The following BANP variants were observed in gnomAD, a reference collection of about 807,000 sequenced individuals.
BANP encodes BTG3 associated nuclear protein, also known as protein BANP.
Under a neutral mutation model 68.1 loss-of-function variants are expected in BANP, and 11 were observed. The observed-to-expected ratio is 0.16, with a 90% CI of 0.10 to 0.27. The LOEUF (loss-of-function observed/expected upper bound fraction) is 0.27. Among genes scored for constraint, BANP ranks in the 10% least tolerant of loss-of-function variants. The pLI is 1.00. For missense variants in BANP, 504 were observed against 722.7 expected, an observed-to-expected ratio of 0.70 and a Z score of 3.47; for synonymous variants, 329 against 303.2, an observed-to-expected ratio of 1.09 and a Z score of -0.88.
chr16:87,967,064 G>A (rs2060150774), intron 1 of BANP, among the ~76,000 whole-genome samples: 1 of 152,192 alleles, frequency 6.6e-6, no homozygotes, highest in Non-Finnish European at 1.5e-5. Flanking sequence ...GGTTTCCCAG[G>A]GGGCTGCTGT....
chr16:88,060,364 G>A (rs1189161565), intron 11 of BANP, among the ~76,000 whole-genome samples: 1 of 152,198 alleles, frequency 6.6e-6, no homozygotes, highest in African/African-American at 2.4e-5. Flanking sequence ...GGAAAGGCTG[G>A]CCCACCCTCT....
At chr16:88,060,293 C>G (rs532705557) in intron 11 of BANP, among the ~76,000 whole-genome samples, 2 of 152,246 alleles carry the variant, frequency 1.3e-5, no homozygotes, top group African/African-American at 2.4e-5. Flanking sequence ...CTGGGTCTCC[C>G]CAGCCTGGCC....
chr16:88,015,249 TCCTCTGTC>T (rs999473108), intron 6 of BANP, among the ~76,000 whole-genome samples: 5 of 145,972 alleles, frequency 3.4e-5, no homozygotes, highest in South Asian at 2.2e-4. Flanking sequence ...TCAGCTCGTC[TCCTCTGTC>T]CCTCTGTCCA....
In BANP at chr16:88,036,038, C is replaced by T. The variant is rs1350753399; in HGVS notation, c.1272+644C>T. 4.6e-5 allele frequency among the ~76,000 whole-genome samples: 7 copies of T among 152,230 alleles called. No homozygotes were observed. Among genetic ancestry groups the T allele is most frequent in the Non-Finnish European group, 1.0e-4 (7 of 68,044 alleles). ...GAGTTCTTGGAAAGCCGAGGCCAGC[C>T]TGTTGCGATGCTCCATGTTTGCATG... On this transcript the variant is annotated intron_variant, in intron 10 of 13. Transcript: ENST00000682872. This position sits in a 1 kb window ranked among gnomAD's most constrained non-coding sequence, Gnocchi z 4.2.
At position 88,035,392 on chromosome 16, in the gene BANP, G is replaced by A. The variant is rs752412331; in HGVS notation, c.1270G>A (p.Glu424Lys). ...GCAAGTCCAGATCACGCAGGACAGC[G>A]AGGTGAGTCAGCTCTCGCTGCAGCA... ...GEQVQITQDSEGNLQIHHVGQ... is the reference protein window; with the variant it reads ...GEQVQITQDSKGNLQIHHVGQ... The change falls in exon 10 of 14, where the codon GAG (glutamate) becomes AAG (lysine). Residue 424 changes from glutamate to lysine, a missense_variant and splice_region_variant. By Grantham distance (56) the Glu-to-Lys change is moderately conservative (BLOSUM62 1). Transcript: ENST00000682872. The A allele has an allele frequency of 2.5e-6, 4 of 1,608,502 alleles. No individual in the cohort carries two copies. The highest frequency in any genetic ancestry group is 1.7e-5 in the Admixed American group (1 of 59,588).
At chr16:87,994,916 A>G (rs1052673689) in intron 4 of BANP, among the ~76,000 whole-genome samples, 1 of 152,200 alleles carries the variant, frequency 6.6e-6, no homozygotes, top group African/African-American at 2.4e-5. Context: ...TGTGATTAGC[A>G]TGGTGGGAGG....
intron 11 of BANP, among the ~76,000 whole-genome samples, chr16:88,041,208 T>C (rs1314174502): frequency 6.6e-6 from 1 of 152,214 alleles, no homozygotes; most frequent in Non-Finnish European, 1.5e-5. Flanking sequence ...GGACAGCTTC[T>C]CTGAAAATAG....
intron 13 of BANP, among the ~76,000 whole-genome samples, chr16:88,073,398 G>A (rs144440645): frequency 6.6e-6 from 1 of 151,982 alleles, no homozygotes; most frequent in Non-Finnish European, 1.5e-5. Context: ...CCCTGCAGAG[G>A]CACGCCCTGT....
At chr16:88,067,219 G>A (rs901667574) in intron 12 of BANP, among the ~76,000 whole-genome samples, 4 of 152,182 alleles carry the variant, frequency 2.6e-5, no homozygotes, top group Non-Finnish European at 5.9e-5. Context: ...TGGAGTGGCC[G>A]ACTGGCTTGT....
At chr16:88,037,951 C>A (rs763578662) in intron 10 of BANP, 22 bp from the exon 11 acceptor site, 1 of 1,612,692 alleles carries the variant, frequency 6.2e-7, no homozygotes, top group East Asian at 2.2e-5. Context: ...TCATGACCGT[C>A]TCCTCCTCTC....
intron 11 of BANP, among the ~76,000 whole-genome samples, chr16:88,046,882 C>T (rs987375125): frequency 5.9e-5 from 9 of 151,748 alleles, no homozygotes; most frequent in African/African-American, 1.5e-4. Context: ...CTGGCTAACA[C>T]GGTGAAACCC....
At chr16:87,961,428 A>G (rs2059134903) in intron 1 of BANP, among the ~76,000 whole-genome samples, 1 of 89,180 alleles carries the variant, frequency 1.1e-5, no homozygotes, top group Admixed American at 1.1e-4. Context: ...GGCCTCCCAA[A>G]GTGCTGGGAT....
At chr16:87,953,910 T>C (rs1310044785) in intron 1 of BANP, among the ~76,000 whole-genome samples, 1 of 152,226 alleles carries the variant, frequency 6.6e-6, no homozygotes, top group East Asian at 1.9e-4. Context: ...CTCTGGCAAG[T>C]GCTCTTCCTC....
At chr16:87,977,853 T>TTATTTC (rs2145904786) in intron 2 of BANP, among the ~76,000 whole-genome samples, 1 of 151,976 alleles carries the variant, frequency 6.6e-6, no homozygotes, top group African/African-American at 2.4e-5. Flanking sequence ...CTTTATTTAT[T>TTATTTC]TAAGACAGAG....
chr16:87,983,838 C>G (rs2063764801), intron 3 of BANP, among the ~76,000 whole-genome samples: 1 of 152,188 alleles, frequency 6.6e-6, no homozygotes, highest in South Asian at 2.1e-4. Flanking sequence ...GAAACCATGA[C>G]TAAATCATCA....
At chr16:87,981,263 C>A (rs1426604101) in intron 3 of BANP, 136 bp downstream of exon 3, 1 of 689,500 alleles carries the variant, frequency 1.5e-6, no homozygotes. Context: ...AATCAAGATG[C>A]AGGCAGGGTC....
intron 2 of BANP, 151 bp downstream of exon 2, chr16:87,975,336 CG>C: frequency 1.3e-6 from 1 of 758,278 alleles, no homozygotes; most frequent in South Asian, 1.7e-5. Flanking sequence ...TGAACACTGT[CG>C]GCCCCTCCCT....
intron 11 of BANP, among the ~76,000 whole-genome samples, chr16:88,058,444 C>T (rs1293066195): frequency 2.0e-5 from 3 of 152,280 alleles, no homozygotes; most frequent in African/African-American, 7.2e-5. Flanking sequence ...GGCCCAGTTC[C>T]ACGGCAGTGC....
In BANP at chr16:88,018,606, C is replaced by T. The variant is rs2075124021; in HGVS notation, c.834C>T (p.Leu278=). Residue 278 remains leucine, a synonymous_variant, in exon 7 of 14, where the codon CTC becomes CTT. Coordinates refer to ENST00000682872, the MANE Select transcript of BANP (RefSeq NM_001386991.1). This position sits in a 1 kb window ranked among gnomAD's most constrained non-coding sequence, Gnocchi z 7.7. ...FHREVQAVSN[L]SGQGKHGKKQ... Reference sequence around the variant, plus strand: ...GCGAGGTGCAGGCTGTGTCCAACCTCTCGGGGCAGGGCAAGCACGGGAAGA... The same window carrying T: ...GCGAGGTGCAGGCTGTGTCCAACCTTTCGGGGCAGGGCAAGCACGGGAAGA... The T allele has an allele frequency of 1.3e-6, 2 of 1,592,634 alleles. No homozygotes were observed. The highest frequency in any genetic ancestry group is 1.1e-5 in the South Asian group (1 of 88,910).
Sources: allele counts gnomAD v4.1 joint callset (sites outside exome capture counted in the v4.1 genomes callset), GRCh38; gene constraint gnomAD v4.1.1; non-coding constraint Gnocchi (gnomAD v3.1); transcripts MANE v1.5; gene names NCBI Gene and HGNC (gene_info 2026-07-23, HGNC 2026-07-21).